The following LRMDA variants were observed in gnomAD, a reference collection of about 807,000 sequenced individuals.
The protein encoded by LRMDA is leucine-rich melanocyte differentiation-associated protein.
Under a neutral mutation model 29.8 loss-of-function variants are expected in LRMDA, and 18 were observed. That is an observed-to-expected ratio of 0.60 (90% confidence interval 0.42 to 0.90). The LOEUF (loss-of-function observed/expected upper bound fraction) is 0.90, where lower values mean the gene tolerates loss of function less well. Ranked by LOEUF, LRMDA falls within the 40% of genes least tolerant of loss-of-function variation. The probability of loss-of-function intolerance (pLI) is 0.00; values close to 1 mark genes in which losing one functional copy is unlikely to be tolerated. For missense variants in LRMDA, 273 were observed against 273.9 expected (o/e 1.00, Z 0.02); for synonymous variants, 125 against 109.4 (o/e 1.14, Z -0.89).
chr10:75,707,058 T>G (rs1425322947), intron 2 of LRMDA, among the ~76,000 whole-genome samples: 2 of 152,234 alleles, frequency 1.3e-5, no homozygotes, highest in East Asian at 3.9e-4. Context: ...TTTGCTTTAG[T>G]GCCTTGGGGC....
intron 5 of LRMDA, among the ~76,000 whole-genome samples, chr10:76,265,360 A>G (rs563909243): frequency 1.3e-5 from 2 of 152,250 alleles, no homozygotes; most frequent in East Asian, 1.9e-4. Flanking sequence ...TCTCAAGCAT[A>G]AGCAACTAGG....
At chr10:75,583,136 C>G (rs1840615012) in intron 2 of LRMDA, among the ~76,000 whole-genome samples, 1 of 152,192 alleles carries the variant, frequency 6.6e-6, no homozygotes, top group South Asian at 2.1e-4. Flanking sequence ...CTGATCCCTC[C>G]ACACTCTCCC....
intron 5 of LRMDA, among the ~76,000 whole-genome samples, chr10:76,209,554 G>A (rs1851598802): frequency 6.6e-6 from 1 of 152,210 alleles, no homozygotes; most frequent in African/African-American, 2.4e-5. Flanking sequence ...CACCTGCAGA[G>A]CTCTTTTGTA....
At chr10:76,109,954 C>T (rs1849549967) in intron 5 of LRMDA, among the ~76,000 whole-genome samples, 2 of 152,178 alleles carry the variant, frequency 1.3e-5, no homozygotes, top group African/African-American at 2.4e-5. Context: ...AGCCCAAGGA[C>T]CTCTCTTCGT....
chr10:76,003,956 G>A (rs1847604604), intron 2 of LRMDA, among the ~76,000 whole-genome samples: 1 of 152,140 alleles, frequency 6.6e-6, no homozygotes, highest in South Asian at 2.1e-4. Flanking sequence ...AGCCCAGGTG[G>A]GGTTTTTGGG....
intron 2 of LRMDA, among the ~76,000 whole-genome samples, chr10:75,749,625 C>CTT (rs76643743): frequency 0.02 from 2,538 of 128,742 alleles, 74 homozygotes; most frequent in African/African-American, 0.067. Context: ...AATATAGAAA[C>CTT]TTTTTTTTTT....
chr10:75,982,686 G>A (rs1847193590), intron 2 of LRMDA, among the ~76,000 whole-genome samples: 3 of 152,194 alleles, frequency 2.0e-5, no homozygotes, highest in African/African-American at 4.8e-5. Context: ...TTGAACTGGA[G>A]TTTGGTAGAT....
At chr10:75,711,806 T>C (rs60962029) in intron 2 of LRMDA, among the ~76,000 whole-genome samples, 6,270 of 152,248 alleles carry the variant, frequency 0.041, 217 homozygotes, top group East Asian at 0.13. Flanking sequence ...AACTATTTTT[T>C]GCTCTTTAAT....
intron 2 of LRMDA, among the ~76,000 whole-genome samples, chr10:75,654,093 A>G (rs1327787679): frequency 1.3e-5 from 2 of 152,096 alleles, no homozygotes; most frequent in East Asian, 1.9e-4. Context: ...TCTTTGGCGG[A>G]GGGATGGGCT....
chr10:76,534,995 C>T (rs919177205), intron 6 of LRMDA, among the ~76,000 whole-genome samples: 10 of 152,158 alleles, frequency 6.6e-5, no homozygotes, highest in South Asian at 4.1e-4. Flanking sequence ...CCTTGCCTGT[C>T]TTCCACCAGC....
At chr10:75,977,016 C>T (rs1163334784) in intron 2 of LRMDA, among the ~76,000 whole-genome samples, 2 of 152,064 alleles carry the variant, frequency 1.3e-5, no homozygotes, top group Non-Finnish European at 2.9e-5. Context: ...GCACTGTCTA[C>T]GTGGGTATGA....
intron 2 of LRMDA, among the ~76,000 whole-genome samples, chr10:75,475,348 G>A (rs1412623699): frequency 6.6e-6 from 1 of 152,150 alleles, no homozygotes; most frequent in Non-Finnish European, 1.5e-5. Context: ...TATGGACGGG[G>A]AGGACCCAGG....
rs886542671 is a variant in LRMDA, at chr10:76,279,708, G to A, written c.517-44693G>A. 2.6e-5 allele frequency among the ~76,000 whole-genome samples: 4 copies of A among 152,110 alleles called. No individual in the cohort carries two copies. In the South Asian group the frequency reaches 6.2e-4, roughly 24 times the overall value. ...TTACAGGTGCCCACCACCATACCCA[G>A]CTAATTTTTTGTATTTTTAGTAGAG... On this transcript the variant is annotated intron_variant, in intron 5 of 6. Transcript: ENST00000611255.
chr10:75,656,266 G>A (rs925981532), intron 2 of LRMDA, among the ~76,000 whole-genome samples: 3 of 152,298 alleles, frequency 2.0e-5, no homozygotes, highest in African/African-American at 4.8e-5. Flanking sequence ...AGATTCTGGA[G>A]CCAGATTGCT....
intron 2 of LRMDA, among the ~76,000 whole-genome samples, chr10:75,831,862 C>T (rs570746099): frequency 2.5e-4 from 38 of 152,320 alleles, no homozygotes; most frequent in African/African-American, 8.7e-4. Flanking sequence ...GAAGCAATAG[C>T]CTGAGCTGTA....
At chr10:75,578,816 A>G (rs1033233689) in intron 2 of LRMDA, among the ~76,000 whole-genome samples, 3 of 145,692 alleles carry the variant, frequency 2.1e-5, no homozygotes, top group African/African-American at 7.4e-5. Context: ...ATGAAGGCAG[A>G]AATAAAGATG....
At position 76,557,609 on chromosome 10, in the gene LRMDA, A is replaced by G. The variant is rs1204151414; in HGVS notation, c.*321A>G. On this transcript the variant is annotated 3_prime_UTR_variant, in exon 7 of 7. Coordinates refer to ENST00000611255, the MANE Select transcript of LRMDA (RefSeq NM_001305581.2). ...AGATTGCCTGGTCCTGCCACTGCTC[A>G]CAGGGGAGCAGAGGTCACACCTGGG... The G allele has an allele frequency of 4.1e-5, 15 of 362,088 alleles. No homozygotes were observed. Among genetic ancestry groups the G allele is most frequent in the Non-Finnish European group, 6.6e-5 (13 of 196,248 alleles). The allele number at this position is 362,088 out of a possible 1,614,324, so 22.4% of individuals were successfully genotyped here.
chr10:75,792,466 T>C (rs1843585379), intron 2 of LRMDA, among the ~76,000 whole-genome samples: 1 of 152,206 alleles, frequency 6.6e-6, no homozygotes, highest in Non-Finnish European at 1.5e-5. Flanking sequence ...GGTTTCACCA[T>C]GATGTCCAGG....
At chr10:76,412,586 A>G (rs1841973684) in intron 6 of LRMDA, among the ~76,000 whole-genome samples, 1 of 152,212 alleles carries the variant, frequency 6.6e-6, no homozygotes, top group South Asian at 2.1e-4. Context: ...CTAGGAATAT[A>G]GATAAGTGTC....
Sources: gnomAD v4.1 joint callset for allele counts (sites outside exome capture counted in the v4.1 genomes callset) on GRCh38, gnomAD v4.1.1 for gene constraint, MANE v1.5 for transcripts, NCBI Gene and HGNC (gene_info 2026-07-23, HGNC 2026-07-21) for gene names.